PKD2L2: variants seen among roughly 807,000 people sequenced by gnomAD.
PKD2L2 encodes the protein polycystin 2 like 2, transient receptor potential cation channel.
A neutral mutation model predicts 83.9 loss-of-function variants in PKD2L2; 67 were observed. The observed-to-expected ratio is 0.80, with a 90% CI of 0.66 to 0.98. The LOEUF is 0.98. Ranked by LOEUF, PKD2L2 falls within the 50% of genes least tolerant of loss-of-function variation. The pLI is 0.00. For synonymous variants in PKD2L2, 223 were observed against 237.8 expected (o/e 0.94, Z 0.57); for missense variants, 632 against 717.2 (o/e 0.88, Z 1.36).
At chr5:137,891,449 G>T (rs1755975052) in intron 2 of PKD2L2, among the ~76,000 whole-genome samples, 1 of 151,416 alleles carries the variant, frequency 6.6e-6, no homozygotes, top group South Asian at 2.1e-4. Flanking sequence ...CTGGGTGACA[G>T]GCTGAGACCC....
chr5:137,936,247 G>A (rs371202855), intron 13 of PKD2L2, 73 bp from the exon 14 acceptor site: 13 of 1,340,482 alleles, frequency 9.7e-6, no homozygotes, highest in Middle Eastern at 2.4e-4. Flanking sequence ...AAAGCATTTC[G>A]CACTAGTAAC....
chr5:137,895,739 A>G (rs1301569840), intron 4 of PKD2L2, among the ~76,000 whole-genome samples: 1 of 151,542 alleles, frequency 6.6e-6, no homozygotes, highest in Admixed American at 6.6e-5. Flanking sequence ...TTAGTCAGGT[A>G]TGGTAGCAAG....
chr5:137,922,086 T>C (rs758943286), intron 9 of PKD2L2, among the ~76,000 whole-genome samples: 13 of 152,252 alleles, frequency 8.5e-5, no homozygotes, highest in African/African-American at 1.9e-4. Context: ...CATATTGCAA[T>C]GGCTTTTGGC....
intron 5 of PKD2L2, among the ~76,000 whole-genome samples, chr5:137,902,749 TG>T (rs1207737561): frequency 5.9e-5 from 9 of 152,136 alleles, no homozygotes; most frequent in Non-Finnish European, 8.8e-5. Flanking sequence ...ACAGACATCT[TG>T]GGGAAGCGTA....
chr5:137,915,101 G>A (rs1273308857), intron 8 of PKD2L2, among the ~76,000 whole-genome samples: 1 of 152,038 alleles, frequency 6.6e-6, no homozygotes, highest in East Asian at 1.9e-4. Flanking sequence ...TACTGTCTTT[G>A]TCTGGCTTAG....
At chr5:137,911,507 C>A (rs1757832026) in intron 8 of PKD2L2, among the ~76,000 whole-genome samples, 1 of 152,078 alleles carries the variant, frequency 6.6e-6, no homozygotes, top group Non-Finnish European at 1.5e-5. Context: ...ATTGCTGGAT[C>A]ATATGATCTA....
At chr5:137,905,545 G>T (rs1171136656) in intron 5 of PKD2L2, among the ~76,000 whole-genome samples, 2 of 152,120 alleles carry the variant, frequency 1.3e-5, no homozygotes, top group African/African-American at 4.8e-5. Context: ...AGAAATGCTG[G>T]TTCCTCAAAT....
intron 8 of PKD2L2, among the ~76,000 whole-genome samples, chr5:137,918,781 GTTGTCTA>G (rs1185854509): frequency 6.6e-6 from 1 of 151,786 alleles, no homozygotes; most frequent in African/African-American, 2.4e-5. Context: ...CCATGTAATT[GTTGTCTA>G]GATGGGGACA....
intron 7 of PKD2L2, 125 bp from the exon 8 acceptor site, chr5:137,908,640 C>T (rs1253553214): frequency 8.8e-6 from 5 of 570,606 alleles, no homozygotes; most frequent in Non-Finnish European, 1.2e-5. Flanking sequence ...GGGAAATCCT[C>T]AAACACCCAT....
intron 8 of PKD2L2, 127 bp from the exon 9 acceptor site, chr5:137,921,506 TAAC>T (rs1392759458): frequency 6.4e-6 from 4 of 625,932 alleles, no homozygotes; most frequent in Non-Finnish European, 1.1e-5. Flanking sequence ...AACTCTGTAC[TAAC>T]ATAATTAAAG....
rs200078301 is a variant in PKD2L2, at chr5:137,940,140, G to A, written c.*18-2244G>A. 3.0e-4 allele frequency: 478 copies of A among 1,613,834 alleles called. 1 individual carries two copies. Among genetic ancestry groups the A allele is most frequent in the Admixed American group, 1.7e-3 (101 of 60,032 alleles). On this transcript the variant is annotated intron_variant, in intron 14 of 14. Transcript: ENST00000508883. Reference sequence around the variant, plus strand: ...AGATTCTCTGAGTGCCTGACAAAACGAATTTAAGTACCAGCCAAGTACACA... The same window carrying A: ...AGATTCTCTGAGTGCCTGACAAAACAAATTTAAGTACCAGCCAAGTACACA...
chr5:137,934,093 A>T lies in PKD2L2; in HGVS notation c.1672-1704A>T, dbSNP rs140829755. 5.3e-4 allele frequency among the ~76,000 whole-genome samples: 81 copies of T among 152,296 alleles called. 1 individual carries two copies. In the East Asian group the frequency reaches 0.015, roughly 29 times the overall value. On this transcript the variant is annotated intron_variant, in intron 12 of 14. Coordinates refer to ENST00000508883, the MANE Select transcript of PKD2L2 (RefSeq NM_001300921.2). ...TTGGTATACAGAATTTGCTTCTGAG[A>T]TATTGCAGGAGTGTAAGGGCCAATA...
At chr5:137,935,692 G>A in intron 12 of PKD2L2, 105 bp from the exon 13 acceptor site, 1 of 650,138 alleles carries the variant, frequency 1.5e-6, no homozygotes, top group Non-Finnish European at 2.7e-6. Flanking sequence ...CTGAGGGCTG[G>A]AGAGGAGAAC....
At chr5:137,936,115 A>AGG (rs1247908710) in intron 13 of PKD2L2, among the ~76,000 whole-genome samples, 7 of 152,238 alleles carry the variant, frequency 4.6e-5, no homozygotes, top group Non-Finnish European at 1.0e-4. Flanking sequence ...TCTCTAAATA[A>AGG]CAGAAACTGC....
chr5:137,928,254 A>G (rs6863973), intron 12 of PKD2L2, among the ~76,000 whole-genome samples: 112,082 of 151,748 alleles, frequency 0.74, 42,032 homozygotes, highest in East Asian at 0.97. Context: ...CAGCCAACCA[A>G]GAGATGACTG....
In PKD2L2 at chr5:137,907,761, C is replaced by G; in HGVS notation, c.995C>G (p.Ser332Cys). Residue 332 changes from serine (S) to cysteine (C), a missense_variant, in exon 7 of 15, where the codon TCC becomes TGC. Coordinates refer to ENST00000508883, the MANE Select transcript of PKD2L2 (RefSeq NM_001300921.2). ...LLLLLCFVAVSFNTYYNVQIF... is the reference protein window; with the variant it reads ...LLLLLCFVAVCFNTYYNVQIF... ...ATTTAGTTGTGTTTTGTGGCTGTTT[C>G]CTTCAACACATACTATAATGTACAA... The G allele has an allele frequency of 6.6e-7, 1 of 1,511,306 alleles. No homozygotes were observed. The allele number at this position is 1,511,306 out of a possible 1,614,324, so 93.6% of individuals were successfully genotyped here.
At chr5:137,916,409 C>T (rs1391461515) in intron 8 of PKD2L2, among the ~76,000 whole-genome samples, 3 of 151,192 alleles carry the variant, frequency 2.0e-5, no homozygotes, top group Admixed American at 6.6e-5. Context: ...CCACCATGCC[C>T]GGCCTCTCCC....
chr5:137,917,017 T>G (rs868674967), intron 8 of PKD2L2, among the ~76,000 whole-genome samples: 10 of 152,140 alleles, frequency 6.6e-5, no homozygotes, highest in Non-Finnish European at 1.3e-4. Context: ...ATATTGTTCA[T>G]CAAACTTGGG....
At chr5:137,927,417 A>G (rs1428570013) in intron 12 of PKD2L2, among the ~76,000 whole-genome samples, 2 of 152,234 alleles carry the variant, frequency 1.3e-5, no homozygotes, top group Non-Finnish European at 2.9e-5. Context: ...AAGTCAAGGT[A>G]AAGCTGAGGA....
Sources: allele counts gnomAD v4.1 joint callset (sites outside exome capture counted in the v4.1 genomes callset), GRCh38; gene constraint gnomAD v4.1.1; transcripts MANE v1.5; gene names NCBI Gene and HGNC (gene_info 2026-07-23, HGNC 2026-07-21).